The following TLN2 variants were observed in gnomAD, a reference collection of about 807,000 sequenced individuals.
TLN2 encodes talin-2.
Under a neutral mutation model 294.7 loss-of-function variants are expected in TLN2, and 118 were observed. The ratio of observed to expected loss-of-function variants is 0.40; its 90% CI spans 0.34 to 0.47. TLN2 has a LOEUF of 0.47. TLN2 is among the 20% of genes least tolerant of loss of function. The pLI is 0.84. For missense variants in TLN2, 3,083 were observed against 3,282.2 expected, an observed-to-expected ratio of 0.94 and a Z score of 1.48; for synonymous variants, 1,431 against 1,304.5, an observed-to-expected ratio of 1.10 and a Z score of -2.09.
intron 55 of TLN2, chr15:62,835,419 G>T (rs982371092): frequency 4.9e-6 from 2 of 404,782 alleles, no homozygotes; most frequent in Non-Finnish European, 9.0e-6. Flanking sequence ...CAGCAGAGGA[G>T]TAAGTGTAGA....
At position 62,410,902 on chromosome 15, in the gene TLN2, C is replaced by T. The variant is rs549946637; in HGVS notation, c.-238+20217C>T. On this transcript the variant is annotated intron_variant, in intron 1 of 58. Transcript: ENST00000636159. The stretch of plus-strand genomic sequence containing the variant: ...TGCCCTTCCACTGTGCATTCTCCAA[C>T]GCATAGTGTATCTTGTAAATTCGTG... Among the ~76,000 whole-genome samples the T allele has an allele frequency of 1.2e-4, 18 of 152,308 alleles. No homozygotes were observed. In the East Asian group the frequency reaches 1.5e-3, roughly 13 times the overall value.
intron 54 of TLN2, among the ~76,000 whole-genome samples, chr15:62,826,131 G>A (rs974711069): frequency 6.6e-6 from 1 of 151,684 alleles, no homozygotes; most frequent in African/African-American, 2.4e-5. Flanking sequence ...GGCTTAAGAT[G>A]TAGGGAGTTT....
At chr15:62,572,493 G>A (rs568454586) in intron 1 of TLN2, among the ~76,000 whole-genome samples, 2 of 152,192 alleles carry the variant, frequency 1.3e-5, no homozygotes, top group South Asian at 2.1e-4. Flanking sequence ...CTATCCTCTC[G>A]CCTTGTCCTC....
At chr15:62,630,926 A>T (rs561235116) in intron 3 of TLN2, among the ~76,000 whole-genome samples, 1 of 152,214 alleles carries the variant, frequency 6.6e-6, no homozygotes, top group Non-Finnish European at 1.5e-5. Flanking sequence ...ATGAAAAGAC[A>T]TCTTCCCCCC....
intron 1 of TLN2, among the ~76,000 whole-genome samples, chr15:62,432,836 G>A (rs1348660802): frequency 6.6e-6 from 1 of 152,070 alleles, no homozygotes; most frequent in Non-Finnish European, 1.5e-5. Context: ...CGCCTCTTGT[G>A]AAACATGCTG....
intron 28 of TLN2, among the ~76,000 whole-genome samples, chr15:62,736,221 G>A (rs550811515): frequency 4.6e-5 from 7 of 151,994 alleles, no homozygotes; most frequent in African/African-American, 1.7e-4. Context: ...TTGGGAGGCT[G>A]AGGCAGGAGA....
chr15:62,782,407 T>C (rs1484551059), intron 44 of TLN2, among the ~76,000 whole-genome samples: 1 of 152,198 alleles, frequency 6.6e-6, no homozygotes, highest in Non-Finnish European at 1.5e-5. Context: ...CAGCACAGAT[T>C]CCTGTTGAGC....
At chr15:62,540,870 A>ATATT (rs1426294372) in intron 1 of TLN2, among the ~76,000 whole-genome samples, 1 of 152,176 alleles carries the variant, frequency 6.6e-6, no homozygotes, top group East Asian at 1.9e-4. Context: ...AGATATGCTC[A>ATATT]TATGTCCCTA....
chr15:62,771,786 C>T (rs960918579), intron 42 of TLN2, among the ~76,000 whole-genome samples: 2 of 152,194 alleles, frequency 1.3e-5, no homozygotes, highest in African/African-American at 4.8e-5. Flanking sequence ...GACCACCAGG[C>T]AGGAGGATGG....
intron 1 of TLN2, among the ~76,000 whole-genome samples, chr15:62,505,142 A>T (rs2039541962): frequency 6.6e-6 from 1 of 151,978 alleles, no homozygotes. Flanking sequence ...TATTTTTAGT[A>T]GAGACGGGGT....
intron 40 of TLN2, among the ~76,000 whole-genome samples, chr15:62,765,994 C>T (rs2062977596): frequency 6.6e-6 from 1 of 152,198 alleles, no homozygotes; most frequent in African/African-American, 2.4e-5. Flanking sequence ...GTTGTCGTTC[C>T]TTCTTGGAAA....
intron 1 of TLN2, among the ~76,000 whole-genome samples, chr15:62,557,694 A>G (rs368141490): frequency 2.8e-4 from 42 of 152,110 alleles, no homozygotes; most frequent in African/African-American, 9.4e-4. Flanking sequence ...GGCACCCGCC[A>G]CCACACCCGG....
intron 3 of TLN2, among the ~76,000 whole-genome samples, chr15:62,627,443 A>G (rs1460942823): frequency 6.6e-6 from 1 of 152,118 alleles, no homozygotes; most frequent in African/African-American, 2.4e-5. Flanking sequence ...TATAATCTTT[A>G]TTTGTGTTTT....
chr15:62,421,304 G>C (rs889013677), intron 1 of TLN2, among the ~76,000 whole-genome samples: 7 of 152,140 alleles, frequency 4.6e-5, no homozygotes, highest in African/African-American at 1.7e-4. Context: ...CCCAAGTGCT[G>C]AGATTACAGG....
chr15:62,550,237 T>C (rs1158392474), intron 1 of TLN2, among the ~76,000 whole-genome samples: 1 of 152,120 alleles, frequency 6.6e-6, no homozygotes. Flanking sequence ...CAACAGAGCA[T>C]ACTTACAACA....
intron 1 of TLN2, among the ~76,000 whole-genome samples, chr15:62,411,546 T>A (rs1197781229): frequency 6.6e-6 from 1 of 151,920 alleles, no homozygotes; most frequent in East Asian, 1.9e-4. Context: ...TTTTTTTCTT[T>A]TGGGTCATCT....
chr15:62,721,088 G>C (rs1044035448), intron 25 of TLN2, among the ~76,000 whole-genome samples: 1 of 151,728 alleles, frequency 6.6e-6, no homozygotes, highest in East Asian at 2.0e-4. Flanking sequence ...CTCTGTCCCT[G>C]CCCTTGTTTT....
rs1254838050 is a variant in TLN2 at position 62,707,177 on chromosome 15, C to T, written c.2096C>T (p.Thr699Ile). 1.2e-6 allele frequency: 2 copies of T among 1,614,242 alleles called. No homozygotes were observed. The highest frequency in any genetic ancestry group is 1.3e-5 in the African/African-American group (1 of 75,072). Residue 699 changes from threonine (T) to isoleucine (I), a missense_variant, in exon 20 of 59, where the codon ACT becomes ATT. By Grantham distance (89) the Thr-to-Ile change is moderately conservative. Transcript: ENST00000636159. ...AKNVAQVAEDTVLQNRVIAAA... is the reference protein window; with the variant it reads ...AKNVAQVAEDIVLQNRVIAAA... Reference sequence around the variant, plus strand: ...AATGTTGCCCAAGTGGCCGAAGACACTGTCCTACAGAACAGGGTAATTGCT... The same window carrying T: ...AATGTTGCCCAAGTGGCCGAAGACATTGTCCTACAGAACAGGGTAATTGCT...
In TLN2 at chr15:62,530,316, ATTTG is replaced by A. The variant is rs113403334; in HGVS notation, c.-237-59359_-237-59356del. 7.5e-3 allele frequency among the ~76,000 whole-genome samples: 1,138 copies of A among 152,150 alleles called. 11 individuals are homozygous for A. Among genetic ancestry groups the A allele is most frequent in the Non-Finnish European group, 0.011 (781 of 68,010 alleles). ...TTTTGGGTCAAAGGAATATAAATGTATTTGTTTGTTTGTTTATTTATTTATTTAT... is the reference window on the plus strand; with the variant it reads ...TTTTGGGTCAAAGGAATATAAATGTATTTGTTTGTTTATTTATTTATTTAT... On this transcript the variant is annotated intron_variant, in intron 1 of 58. Transcript: ENST00000636159.
Sources: gnomAD v4.1 joint callset for allele counts (sites outside exome capture counted in the v4.1 genomes callset) on GRCh38, gnomAD v4.1.1 for gene constraint, MANE v1.5 for transcripts, NCBI Gene and HGNC (gene_info 2026-07-23, HGNC 2026-07-21) for gene names.